Variants in CCDC6 observed in about 807,000 individuals in gnomAD.
CCDC6 encodes the protein coiled-coil domain-containing protein 6.
Under a neutral mutation model 56.6 loss-of-function variants are expected in CCDC6, and 20 were observed. The ratio of observed to expected loss-of-function variants is 0.35; its 90% CI spans 0.25 to 0.51. The LOEUF (loss-of-function observed/expected upper bound fraction) is 0.51. CCDC6 is among the 20% of genes least tolerant of loss of function. The probability of loss-of-function intolerance (pLI) is 0.95; values close to 1 mark genes in which losing one functional copy is unlikely to be tolerated. For missense variants in CCDC6, 367 were observed against 601.1 expected, an observed-to-expected ratio of 0.61 and a Z score of 4.07; for synonymous variants, 241 against 234.4, an observed-to-expected ratio of 1.03 and a Z score of -0.26.
chr10:59,876,552 T>C lies in CCDC6; in HGVS notation c.304-23850A>G, dbSNP rs2071282837. ...GTCCACCAAACTTTTAAGATAAAGA[T>C]AGCTGCCGTGTTATATAAACTACAC... On this transcript the variant is annotated intron_variant, in intron 1 of 8. Coordinates refer to ENST00000263102, the MANE Select transcript of CCDC6 (RefSeq NM_005436.5). Among the ~76,000 whole-genome samples the C allele has an allele frequency of 4.0e-5, 5 of 124,668 alleles. No homozygotes were observed. The South Asian group carries it at 1.2e-3, about 31-fold the overall frequency. 81.8% of individuals were successfully genotyped at this position (124,668 alleles called of 152,430 possible). A position where few individuals can be genotyped will look rare whatever the true frequency, so the allele number is the denominator to read the frequency against.
chr10:59,879,757 C>T (rs2071317221), intron 1 of CCDC6, among the ~76,000 whole-genome samples: 1 of 152,128 alleles, frequency 6.6e-6, no homozygotes, highest in African/African-American at 2.4e-5. Context: ...TCCATCAACC[C>T]TTCCCAATAT....
At chr10:59,874,730 GC>G in intron 1 of CCDC6, among the ~76,000 whole-genome samples, 1 of 65,844 alleles carries the variant, frequency 1.5e-5, no homozygotes, top group Non-Finnish European at 2.9e-5. Context: ...GAAAATGGAG[GC>G]AGAGAAGAGA....
chr10:59,841,688 G>A (rs74875740), intron 2 of CCDC6, among the ~76,000 whole-genome samples: 4 of 131,872 alleles, frequency 3.0e-5, no homozygotes, highest in Non-Finnish European at 6.4e-5. Context: ...TTTTTTTTTT[G>A]AGACGGAGTC....
chr10:59,837,854 T>C (rs1564745423), intron 2 of CCDC6, among the ~76,000 whole-genome samples: 2 of 147,692 alleles, frequency 1.4e-5, no homozygotes, highest in Non-Finnish European at 3.0e-5. Context: ...ACAACTAACA[T>C]CCCTGGTTTA....
intron 1 of CCDC6, among the ~76,000 whole-genome samples, chr10:59,862,661 A>T (rs899794025): frequency 6.6e-6 from 1 of 151,800 alleles, no homozygotes; most frequent in Admixed American, 6.6e-5. Context: ...AAATTATTAG[A>T]AGTTCATAAT....
chr10:59,814,550 A>G, intron 4 of CCDC6, 102 bp downstream of exon 4: 2 of 698,950 alleles, frequency 2.9e-6, no homozygotes, highest in South Asian at 1.9e-5. Flanking sequence ...GTGCATCACC[A>G]AAGAATTAAG....
intron 1 of CCDC6, among the ~76,000 whole-genome samples, chr10:59,872,284 G>C (rs1025025493): frequency 1.3e-5 from 2 of 152,216 alleles, no homozygotes; most frequent in African/African-American, 4.8e-5. Context: ...TGCTTGAACA[G>C]TCTGAGGCTG....
chr10:59,890,278 G>T (rs980723641), intron 1 of CCDC6, among the ~76,000 whole-genome samples: 2 of 152,188 alleles, frequency 1.3e-5, no homozygotes, highest in Admixed American at 1.3e-4. Flanking sequence ...TCAGAGAGGA[G>T]GAGACCAGGA....
At chr10:59,904,908 T>A (rs1365991629) in intron 1 of CCDC6, among the ~76,000 whole-genome samples, 2 of 148,684 alleles carry the variant, frequency 1.3e-5, no homozygotes, top group African/African-American at 5.2e-5. Flanking sequence ...ACCGAAGGCA[T>A]TTCCTGGCAC....
chr10:59,865,177 G>T (rs2071166666), intron 1 of CCDC6, among the ~76,000 whole-genome samples: 1 of 152,106 alleles, frequency 6.6e-6, no homozygotes, highest in Non-Finnish European at 1.5e-5. Flanking sequence ...TCCAACCCTG[G>T]CCCAGGGGCA....
chr10:59,890,808 T>G (rs1310820072), intron 1 of CCDC6, among the ~76,000 whole-genome samples: 1 of 152,176 alleles, frequency 6.6e-6, no homozygotes, highest in African/African-American at 2.4e-5. Flanking sequence ...TGTATACATG[T>G]GCCATGTTGG....
At chr10:59,842,045 C>A (rs530874908) in intron 2 of CCDC6, among the ~76,000 whole-genome samples, 1 of 151,332 alleles carries the variant, frequency 6.6e-6, no homozygotes, top group African/African-American at 2.4e-5. Context: ...TTTTTGTAAA[C>A]ACTTTATTTA....
chr10:59,853,503 C>G (rs1004659802), intron 1 of CCDC6, among the ~76,000 whole-genome samples: 1 of 152,096 alleles, frequency 6.6e-6, no homozygotes, highest in African/African-American at 2.4e-5. Flanking sequence ...CACTGCACAC[C>G]AGCCTGGGTG....
intron 1 of CCDC6, among the ~76,000 whole-genome samples, chr10:59,876,091 T>TTTTTTTTTTC (rs1564754331): frequency 6.8e-6 from 1 of 146,284 alleles, no homozygotes; most frequent in Non-Finnish European, 1.5e-5. Flanking sequence ...TTTTTTTTTT[T>TTTTTTTTTTC]CAGATCGAGT....
At chr10:59,826,944 G>C (rs1589042141) in intron 3 of CCDC6, among the ~76,000 whole-genome samples, 1 of 152,178 alleles carries the variant, frequency 6.6e-6, no homozygotes, top group Non-Finnish European at 1.5e-5. Flanking sequence ...ACAGTGTTAA[G>C]GTCAACCTTG....
At chr10:59,800,939 A>G (rs2070570032) in intron 7 of CCDC6, among the ~76,000 whole-genome samples, 1 of 152,236 alleles carries the variant, frequency 6.6e-6, no homozygotes, top group African/African-American at 2.4e-5. Context: ...AAAACTGCAA[A>G]CTTAAAAAAT....
At chr10:59,813,480 C>T (rs112231377) in intron 4 of CCDC6, among the ~76,000 whole-genome samples, 1 of 152,180 alleles carries the variant, frequency 6.6e-6, no homozygotes, top group Non-Finnish European at 1.5e-5. Context: ...TACTGTTCAA[C>T]CCAATAATTT....
chr10:59,852,411 C>A, intron 2 of CCDC6, 142 bp downstream of exon 2: 1 of 615,048 alleles, frequency 1.6e-6, no homozygotes, highest in Non-Finnish European at 2.6e-6. Context: ...CGCTGCCACC[C>A]TTACCTGGTA....
At chr10:59,844,901 C>T (rs2070978128) in intron 2 of CCDC6, among the ~76,000 whole-genome samples, 1 of 152,068 alleles carries the variant, frequency 6.6e-6, no homozygotes, top group South Asian at 2.1e-4. Context: ...TTGAAAATTA[C>T]AATGAAAGGT....
Sources: allele counts gnomAD v4.1 joint callset (sites outside exome capture counted in the v4.1 genomes callset), GRCh38; gene constraint gnomAD v4.1.1; transcripts MANE v1.5; gene names NCBI Gene and HGNC (gene_info 2026-07-23, HGNC 2026-07-21).